The following KIAA0825 variants were observed in gnomAD, a reference collection of about 807,000 sequenced individuals.
KIAA0825 encodes the protein KIAA0825.
In KIAA0825, 119 loss-of-function variants were observed where a neutral mutation model predicts 147.6. The ratio of observed to expected loss-of-function variants is 0.81; its 90% CI spans 0.69 to 0.94. The LOEUF is 0.94. Among genes scored for constraint, KIAA0825 ranks in the 40% least tolerant of loss-of-function variants. The pLI, the probability that KIAA0825 is intolerant of heterozygous loss-of-function variation, is 0.00. For synonymous variants in KIAA0825, 470 were observed against 518.1 expected (o/e 0.91, Z 1.26); for missense variants, 1,381 against 1,472.7 (o/e 0.94, Z 1.02).
chr5:94,221,699 G>A (rs775481925), intron 20 of KIAA0825, among the ~76,000 whole-genome samples: 1 of 152,134 alleles, frequency 6.6e-6, no homozygotes, highest in Non-Finnish European at 1.5e-5. Context: ...AAGATTTCAA[G>A]ATCATGGAAA....
At chr5:94,171,455 A>C (rs528244039) in intron 20 of KIAA0825, among the ~76,000 whole-genome samples, 6 of 152,272 alleles carry the variant, frequency 3.9e-5, no homozygotes, top group Admixed American at 3.9e-4. Flanking sequence ...ATTTTTGTAA[A>C]ATAACTTTGA....
At chr5:94,386,489 C>T in intron 18 of KIAA0825, 85 bp from the exon 19 acceptor site, 1 of 1,115,898 alleles carries the variant, frequency 9.0e-7, no homozygotes, top group South Asian at 1.5e-5. Context: ...CAAATTTATC[C>T]TTTCAGCACA....
At chr5:94,405,841 C>T (rs1278431254) in intron 15 of KIAA0825, among the ~76,000 whole-genome samples, 1 of 152,190 alleles carries the variant, frequency 6.6e-6, no homozygotes, top group East Asian at 1.9e-4. Context: ...TACCCATCCA[C>T]TCCTAATAAA....
At chr5:94,493,093 T>C (rs925826967) in intron 5 of KIAA0825, among the ~76,000 whole-genome samples, 1 of 152,216 alleles carries the variant, frequency 6.6e-6, no homozygotes, top group Non-Finnish European at 1.5e-5. Flanking sequence ...CCTGATCATC[T>C]GGCTGAGGCC....
intron 2 of KIAA0825, among the ~76,000 whole-genome samples, chr5:94,580,361 C>G (rs550782090): frequency 1.1e-4 from 16 of 152,218 alleles, no homozygotes; most frequent in Non-Finnish European, 1.9e-4. Context: ...ATCAAAAAAA[C>G]AACTGTGGTA....
chr5:94,514,195 T>C (rs1766892293), intron 5 of KIAA0825, among the ~76,000 whole-genome samples: 1 of 152,168 alleles, frequency 6.6e-6, no homozygotes, highest in South Asian at 2.1e-4. Flanking sequence ...TACTTTTAGC[T>C]TAACTCTGGT....
chr5:94,550,044 C>T (rs1775223160), intron 2 of KIAA0825, among the ~76,000 whole-genome samples: 3 of 152,142 alleles, frequency 2.0e-5, no homozygotes, highest in South Asian at 4.1e-4. Flanking sequence ...GGTACATATA[C>T]ACAATGGAGT....
chr5:94,452,851 G>A, intron 13 of KIAA0825, 108 bp downstream of exon 13: 2 of 564,736 alleles, frequency 3.5e-6, no homozygotes. Context: ...AAAGTCGTAA[G>A]TTCTTTTTGT....
Position 94,402,724 on chromosome 5 carries a change from T to C in KIAA0825, c.2887+845A>G, listed in dbSNP as rs1401066665. 4.6e-5 allele frequency among the ~76,000 whole-genome samples: 7 copies of C among 151,384 alleles called. No individual in the cohort carries two copies. In the East Asian group the frequency reaches 1.4e-3, roughly 30 times the overall value. ...TCACTAACTCTAAGGAAACTTTCTC[T>C]AGTTTCCTAGTTTTCTAGTTTCTCT... On this transcript the variant is annotated intron_variant, in intron 16 of 20. Transcript: ENST00000682413.
chr5:94,205,709 G>A (rs577556360), intron 20 of KIAA0825, among the ~76,000 whole-genome samples: 139 of 151,940 alleles, frequency 9.1e-4, no homozygotes, highest in African/African-American at 3.2e-3. Flanking sequence ...TTTATATTTC[G>A]GATCATATTT....
chr5:94,560,335 GA>G (rs775440608), intron 2 of KIAA0825, among the ~76,000 whole-genome samples: 5 of 152,124 alleles, frequency 3.3e-5, no homozygotes, highest in African/African-American at 4.8e-5. Context: ...GAGGGCCAAC[GA>G]AAACTCAGTA....
At position 94,537,086 on chromosome 5, in the gene KIAA0825, A is replaced by G. The variant is rs1211750626; in HGVS notation, c.41T>C (p.Leu14Pro). The G allele has an allele frequency of 3.1e-6, 5 of 1,610,712 alleles. No homozygotes were observed. The highest frequency in any genetic ancestry group is 1.3e-5 in the African/African-American group (1 of 74,882). Residue 14 changes from leucine (L) to proline (P), a missense_variant, in exon 3 of 21, where the codon CTA becomes CCA. Transcript: ENST00000682413. Reference sequence around the variant, plus strand: ...AGGAAATGAGTTTAACAAACAATGTAGGTCAAAAGAATTATGAGAATATTC... The same window carrying G: ...AGGAAATGAGTTTAACAAACAATGTGGGTCAAAAGAATTATGAGAATATTC... ...DDEYSHNSFDLHCLLNSFPGD... is the reference protein window; with the variant it reads ...DDEYSHNSFDPHCLLNSFPGD...
chr5:94,255,707 CTTTTTTTTTTTT>C (rs57646287), intron 20 of KIAA0825, among the ~76,000 whole-genome samples: 120 of 47,818 alleles, frequency 2.5e-3, no homozygotes, highest in African/African-American at 9.8e-3. Context: ...AGAATTATGG[CTTTTTTTTTTTT>C]TTTTTTTTTT....
At chr5:94,473,606 A>G in intron 7 of KIAA0825, 87 bp from the exon 8 acceptor site, 1 of 841,582 alleles carries the variant, frequency 1.2e-6, no homozygotes, top group Non-Finnish European at 1.8e-6. Context: ...TATTACTTTC[A>G]TTCAACATGT....
chr5:94,173,703 T>C (rs1292906792), intron 20 of KIAA0825, among the ~76,000 whole-genome samples: 1 of 152,146 alleles, frequency 6.6e-6, no homozygotes, highest in African/African-American at 2.4e-5. Context: ...AGGCTCCACC[T>C]CTTGATGGGG....
chr5:94,243,622 A>G (rs906066227), intron 20 of KIAA0825, among the ~76,000 whole-genome samples: 3 of 152,162 alleles, frequency 2.0e-5, no homozygotes, highest in Non-Finnish European at 2.9e-5. Context: ...TGAATGCACA[A>G]TTCCCTGAAT....
rs540561870 is a variant in KIAA0825 at position 94,545,064 on chromosome 5, G to T, written c.-1-7937C>A. Reference sequence around the variant, plus strand: ...GGGAGAGCACAGTGACTGGGGTGGGGGTTGGGGGGCTGGCACTGAACTCCG... The same window carrying T: ...GGGAGAGCACAGTGACTGGGGTGGGTGTTGGGGGGCTGGCACTGAACTCCG... On this transcript the variant is annotated intron_variant, in intron 2 of 20. Transcript: ENST00000682413. 5.3e-5 allele frequency among the ~76,000 whole-genome samples: 8 copies of T among 152,202 alleles called. No homozygotes were observed. In the South Asian group the frequency reaches 6.2e-4, roughly 12 times the overall value.
At chr5:94,414,099 T>C (rs914575961) in intron 15 of KIAA0825, 1 of 152,108 alleles carries the variant, frequency 6.6e-6, no homozygotes, top group Admixed American at 6.6e-5. Flanking sequence ...AAAACCAAAG[T>C]GGAAACTTTG....
At chr5:94,243,004 A>T (rs542291311) in intron 20 of KIAA0825, among the ~76,000 whole-genome samples, 1 of 152,208 alleles carries the variant, frequency 6.6e-6, no homozygotes, top group South Asian at 2.1e-4. Context: ...TTCCTTTGTC[A>T]TAACTAACTT....
Sources: allele counts gnomAD v4.1 joint callset (sites outside exome capture counted in the v4.1 genomes callset), GRCh38; gene constraint gnomAD v4.1.1; transcripts MANE v1.5; gene names NCBI Gene and HGNC (gene_info 2026-07-23, HGNC 2026-07-21).